Variants in DOCK9 observed in about 807,000 individuals in gnomAD.
The protein encoded by DOCK9 is dedicator of cytokinesis 9, also known as dedicator of cytokinesis protein 9.
Under a neutral mutation model 263.3 loss-of-function variants are expected in DOCK9, and 89 were observed. The observed-to-expected ratio is 0.34, with a 90% CI of 0.28 to 0.40. DOCK9 has a LOEUF of 0.40. Among genes scored for constraint, DOCK9 ranks in the 10% least tolerant of loss-of-function variants. DOCK9 has a pLI of 1.00. For synonymous variants in DOCK9, 976 were observed against 973.1 expected (o/e 1.00, Z -0.06); for missense variants, 2,140 against 2,603.4 (o/e 0.82, Z 3.87).
chr13:98,802,351 C>T (rs761091786), intron 49 of DOCK9, among the ~76,000 whole-genome samples: 1 of 152,198 alleles, frequency 6.6e-6, no homozygotes, highest in African/African-American at 2.4e-5. Context: ...TGAATGAATG[C>T]ATTACTGCCC....
At chr13:99,032,264 A>G (rs571348263) in intron 1 of DOCK9, among the ~76,000 whole-genome samples, 2 of 152,282 alleles carry the variant, frequency 1.3e-5, no homozygotes, top group East Asian at 3.9e-4. Context: ...TAAGCTCAGG[A>G]GTTCGAAACC....
chr13:99,019,308 TAATA>T (rs745665879), intron 1 of DOCK9, among the ~76,000 whole-genome samples: 1 of 152,216 alleles, frequency 6.6e-6, no homozygotes, highest in Non-Finnish European at 1.5e-5. Context: ...AAAGTGTTTC[TAATA>T]TATATTCTCA....
chr13:98,938,995 T>C (rs1378083026), intron 2 of DOCK9, among the ~76,000 whole-genome samples: 1 of 151,986 alleles, frequency 6.6e-6, no homozygotes, highest in African/African-American at 2.4e-5. Context: ...GAGCTGGGAG[T>C]GTCCTCCCTC....
intron 1 of DOCK9, among the ~76,000 whole-genome samples, chr13:99,042,938 T>C (rs1888603295): frequency 6.6e-6 from 1 of 151,930 alleles, no homozygotes; most frequent in South Asian, 2.1e-4. Flanking sequence ...CTGAAAACTG[T>C]CACCCACTGA....
At chr13:98,895,533 T>C (rs2047294171) in intron 15 of DOCK9, among the ~76,000 whole-genome samples, 1 of 151,016 alleles carries the variant, frequency 6.6e-6, no homozygotes, top group Non-Finnish European at 1.5e-5. Context: ...GGCGTAGTGG[T>C]GGGCGCCTAT....
intron 1 of DOCK9, among the ~76,000 whole-genome samples, chr13:98,965,390 C>T (rs1245379541): frequency 6.6e-6 from 1 of 152,174 alleles, no homozygotes; most frequent in Non-Finnish European, 1.5e-5. Context: ...GATCTAGAAG[C>T]TGTTTGGAAG....
At chr13:99,054,105 G>C (rs907915315) in intron 1 of DOCK9, among the ~76,000 whole-genome samples, 2 of 152,076 alleles carry the variant, frequency 1.3e-5, no homozygotes, top group East Asian at 3.9e-4. Context: ...ATTCTTTGCC[G>C]CATCTCAAAA....
At chr13:98,844,726 C>A (rs61968715) in intron 38 of DOCK9, among the ~76,000 whole-genome samples, 46,480 of 152,032 alleles carry the variant, frequency 0.31, 8,113 homozygotes, top group Non-Finnish European at 0.4. Context: ...TCATAATGCC[C>A]ACGTTGCTGG....
rs139057366 is a variant in DOCK9 at position 98,949,759 on chromosome 13, C to T, written c.243+5676G>A. 429 of 407,670 alleles carry T rather than the reference C, an allele frequency of 1.1e-3. 6 individuals are homozygous for T. The East Asian group carries it at 0.022, about 21-fold the overall frequency. 25.3% of individuals were successfully genotyped at this position (407,670 alleles called of 1,614,324 possible). The stretch of plus-strand genomic sequence containing the variant: ...GATGAGCTGATTGATGTGTTCACCC[C>T]AGGTGAGGCCATCTCCTTGAGGAAG... On this transcript the variant is annotated intron_variant, in intron 2 of 52. Transcript: ENST00000682017.
intron 49 of DOCK9, among the ~76,000 whole-genome samples, chr13:98,803,481 C>T (rs1161642028): frequency 2.6e-5 from 4 of 152,218 alleles, no homozygotes; most frequent in African/African-American, 7.2e-5. Context: ...AGCTGGGCCC[C>T]GCCCCCAGAG....
Position 98,831,720 on chromosome 13 carries a change from A to G in DOCK9, c.4381T>C (p.Phe1461Leu). ...GTTTCAGACTGATGTTTTTGAAGAAAACACAGGTAGACATCAAAAACTTTT... is the reference window on the plus strand; with the variant it reads ...GTTTCAGACTGATGTTTTTGAAGAAGACACAGGTAGACATCAAAAACTTTT... ...MKKVFDVYLCFLQKHQSETAL... is the reference protein window; with the variant it reads ...MKKVFDVYLCLLQKHQSETAL... The change falls in exon 40 of 53, where the codon TTT becomes CTT. Residue 1461 changes from phenylalanine to leucine, a missense_variant. Transcript: ENST00000682017. 6.2e-7 allele frequency: 1 copy of G among 1,614,048 alleles called. No homozygotes were observed. Among genetic ancestry groups the G allele is most frequent in the South Asian group, 1.1e-5 (1 of 91,090 alleles).
intron 1 of DOCK9, among the ~76,000 whole-genome samples, chr13:99,000,806 C>G (rs1012396792): frequency 6.6e-6 from 1 of 152,090 alleles, no homozygotes; most frequent in African/African-American, 2.4e-5. Context: ...CTATTTTTAC[C>G]ATAGTGTGAT....
Position 98,795,763 on chromosome 13 carries a change from C to CTT in DOCK9, c.6157-1017_6157-1016dup, listed in dbSNP as rs11449176. Among the ~76,000 whole-genome samples, 609 of 145,842 alleles carry CTT rather than the reference C, an allele frequency of 4.2e-3. 13 individuals carry two copies. In the South Asian group the frequency reaches 0.042, roughly 10 times the overall value. Reference sequence around the variant, plus strand: ...CTCTAATCGTTTCAATTTTTTTCTACTTTTTTTTTTTTTGAGATGGAGTCT... The same window carrying CTT: ...CTCTAATCGTTTCAATTTTTTTCTACTTTTTTTTTTTTTTTGAGATGGAGTCT... On this transcript the variant is annotated intron_variant, in intron 52 of 52. Coordinates refer to ENST00000682017, the MANE Select transcript of DOCK9 (RefSeq NM_001366683.2).
At chr13:98,990,484 A>C (rs1879548268) in intron 1 of DOCK9, among the ~76,000 whole-genome samples, 1 of 152,232 alleles carries the variant, frequency 6.6e-6, no homozygotes, top group Non-Finnish European at 1.5e-5. Flanking sequence ...ACGTTCCCCA[A>C]CAACTCATTT....
At chr13:99,080,875 TATC>T (rs2042097506) in intron 1 of DOCK9, among the ~76,000 whole-genome samples, 2 of 152,302 alleles carry the variant, frequency 1.3e-5, no homozygotes, top group South Asian at 2.1e-4. Flanking sequence ...TCTGACATGG[TATC>T]ATGTTCTTAG....
At chr13:99,047,684 A>T (rs555448545) in intron 1 of DOCK9, among the ~76,000 whole-genome samples, 2 of 151,624 alleles carry the variant, frequency 1.3e-5, no homozygotes, top group Non-Finnish European at 2.9e-5. Flanking sequence ...ATGCCCAGCT[A>T]ATTTTTTTTT....
chr13:98,959,188 A>G (rs925252143), intron 1 of DOCK9, among the ~76,000 whole-genome samples: 3 of 152,230 alleles, frequency 2.0e-5, no homozygotes, highest in Non-Finnish European at 4.4e-5. Context: ...TTCTTCTCCC[A>G]TACTGGGCTG....
chr13:99,005,850 G>A (rs1403787340), intron 1 of DOCK9, among the ~76,000 whole-genome samples: 1 of 152,086 alleles, frequency 6.6e-6, no homozygotes. Flanking sequence ...ATGTGGCTAT[G>A]TGGCAATAAA....
intron 1 of DOCK9, among the ~76,000 whole-genome samples, chr13:98,960,027 G>A (rs902207590): frequency 1.3e-5 from 2 of 152,090 alleles, no homozygotes; most frequent in African/African-American, 2.4e-5. Context: ...AGAACATCAC[G>A]CTAACAGCAA....
Sources: gnomAD v4.1 joint callset for allele counts (sites outside exome capture counted in the v4.1 genomes callset) on GRCh38, gnomAD v4.1.1 for gene constraint, MANE v1.5 for transcripts, NCBI Gene and HGNC (gene_info 2026-07-23, HGNC 2026-07-21) for gene names.